Variants in CXADR observed in about 807,000 individuals in gnomAD.
The protein encoded by CXADR is coxsackievirus and adenovirus receptor.
In CXADR, 20 loss-of-function variants were observed where a neutral mutation model predicts 40.3. The ratio of observed to expected loss-of-function variants is 0.50; its 90% CI spans 0.35 to 0.72. CXADR has a LOEUF of 0.72. Among genes scored for constraint, CXADR ranks in the 30% least tolerant of loss-of-function variants. The pLI is 0.01. For missense variants in CXADR, 332 were observed against 449.1 expected (o/e 0.74, Z 2.36); for synonymous variants, 150 against 161.3 (o/e 0.93, Z 0.53).
intron 7 of CXADR, among the ~76,000 whole-genome samples, chr21:17,586,221 G>T (rs1009549719): frequency 6.6e-6 from 1 of 151,792 alleles, no homozygotes; most frequent in African/African-American, 2.4e-5. Context: ...CTTACTAAAT[G>T]ATTTACTTTA....
intron 7 of CXADR, among the ~76,000 whole-genome samples, chr21:17,583,154 A>G (rs931141076): frequency 3.3e-5 from 5 of 152,238 alleles, no homozygotes; most frequent in African/African-American, 1.2e-4. Flanking sequence ...TTAAACAATT[A>G]CATGAGAGGA....
intron 1 of CXADR, among the ~76,000 whole-genome samples, chr21:17,540,259 T>C (rs2060810383): frequency 6.6e-6 from 1 of 152,086 alleles, no homozygotes; most frequent in South Asian, 2.1e-4. Flanking sequence ...ACATAGGAGG[T>C]CAGGGATTCA....
rs2061210859 is a variant in CXADR at position 17,566,521 on chromosome 21, C to A, written c.*829C>A. ...TCTTCAAAATGGTGGCCAGCCAGAT[C>A]AAGGATGTAGTATCTCATAGTTCCC... On this transcript the variant is annotated 3_prime_UTR_variant, in exon 7 of 7. Transcript: ENST00000284878. 2 of 985,258 alleles carry A rather than the reference C, an allele frequency of 2.0e-6. No individual in the cohort carries two copies. The highest frequency in any genetic ancestry group is 2.4e-6 in the Non-Finnish European group (2 of 829,864). The allele number at this position is 985,258 out of a possible 1,614,324, so 61.0% of individuals were successfully genotyped here. A position where few individuals can be genotyped will look rare whatever the true frequency, so the allele number is the denominator to read the frequency against.
chr21:17,621,139 G>A, the CXADR span, among the ~76,000 whole-genome samples: 1 of 152,200 alleles, frequency 6.6e-6, no homozygotes, highest in Non-Finnish European at 1.5e-5. Context: ...CAATCTGGAT[G>A]TGGGCACCAT....
intron 1 of CXADR, among the ~76,000 whole-genome samples, chr21:17,525,542 A>C (rs887725423): frequency 1.3e-5 from 2 of 152,208 alleles, no homozygotes; most frequent in African/African-American, 4.8e-5. Flanking sequence ...TATTTTAAAC[A>C]CTTGAATACT....
At chr21:17,606,506 A>C in the CXADR span, among the ~76,000 whole-genome samples, 1 of 152,166 alleles carries the variant, frequency 6.6e-6, no homozygotes, top group African/African-American at 2.4e-5. Flanking sequence ...GAAAGATCCC[A>C]TGTGCTCTGG....
At chr21:17,618,577 G>A in the CXADR span, among the ~76,000 whole-genome samples, 1 of 151,216 alleles carries the variant, frequency 6.6e-6, no homozygotes, top group Non-Finnish European at 1.5e-5. Context: ...TTGCTCTGTC[G>A]CCCAGGCTGG....
At chr21:17,612,079 T>G in the CXADR span, 4 of 152,278 alleles carry the variant, frequency 2.6e-5, no homozygotes, top group Admixed American at 2.6e-4. Flanking sequence ...CGCTGGGGTT[T>G]TGAGAGAGGT....
intron 1 of CXADR, among the ~76,000 whole-genome samples, chr21:17,519,182 C>T (rs575746560): frequency 2.0e-5 from 3 of 152,328 alleles, no homozygotes; most frequent in African/African-American, 7.2e-5. Flanking sequence ...GTGGGGTCTC[C>T]ATCGATTACC....
At chr21:17,513,940 G>T (rs968740819) in intron 1 of CXADR, among the ~76,000 whole-genome samples, 6 of 152,154 alleles carry the variant, frequency 3.9e-5, no homozygotes, top group Admixed American at 6.5e-5. Flanking sequence ...GTTGTACAGG[G>T]TAATTGCTAG....
chr21:17,631,399 G>A, the CXADR span, among the ~76,000 whole-genome samples: 20 of 152,110 alleles, frequency 1.3e-4, no homozygotes, highest in Admixed American at 2.6e-4. Context: ...ACACTAGTTC[G>A]TTTTTAGCCA....
At chr21:17,535,123 G>C (rs908099930) in intron 1 of CXADR, among the ~76,000 whole-genome samples, 1 of 151,736 alleles carries the variant, frequency 6.6e-6, no homozygotes, top group Non-Finnish European at 1.5e-5. Context: ...ATCATTTTTT[G>C]ACTATTATTG....
intron 1 of CXADR, among the ~76,000 whole-genome samples, chr21:17,541,358 C>T (rs192412162): frequency 0.016 from 2,370 of 152,078 alleles, 74 homozygotes; most frequent in African/African-American, 0.053. Context: ...CAAGACCATC[C>T]TGGCTAACAC....
chr21:17,614,144 C>G, the CXADR span: 1 of 151,044 alleles, frequency 6.6e-6, no homozygotes, highest in South Asian at 2.1e-4. Flanking sequence ...AGTCTACTTA[C>G]TGGTACATTT....
intron 7 of CXADR, among the ~76,000 whole-genome samples, chr21:17,575,920 T>C (rs1395565037): frequency 3.3e-5 from 5 of 151,062 alleles, no homozygotes; most frequent in Non-Finnish European, 7.4e-5. Flanking sequence ...AAACCCTGTC[T>C]CTACTAAAAA....
intron 7 of CXADR, among the ~76,000 whole-genome samples, chr21:17,590,742 A>C (rs2061429144): frequency 6.6e-6 from 1 of 151,746 alleles, no homozygotes; most frequent in Admixed American, 6.6e-5. Flanking sequence ...AGTAACTGAT[A>C]AGTAAGAAAA....
the CXADR span, among the ~76,000 whole-genome samples, chr21:17,617,959 C>T: frequency 1.3e-5 from 2 of 152,236 alleles, no homozygotes; most frequent in Non-Finnish European, 2.9e-5. Flanking sequence ...TCAAACCCTG[C>T]TGCTGCTTTA....
At position 17,559,026 on chromosome 21, in the gene CXADR, A is replaced by G; in HGVS notation, c.466A>G (p.Ser156Gly). The G allele has an allele frequency of 1.2e-6, 2 of 1,613,996 alleles. No individual in the cohort carries two copies. Among genetic ancestry groups the G allele is most frequent in the South Asian group, 2.2e-5 (2 of 90,998 alleles). Residue 156 changes from serine (S) to glycine (G), a missense_variant, in exon 4 of 7, where the codon AGT becomes GGT. Coordinates refer to ENST00000284878, the MANE Select transcript of CXADR (RefSeq NM_001338.5). ...CGTTGATGGATCTGAAGAAATTGGA[A>G]GTGACTTTAAGATAAAATGTGAACC... ...CYVDGSEEIGSDFKIKCEPKE... is the reference protein window; with the variant it reads ...CYVDGSEEIGGDFKIKCEPKE...
the CXADR span, chr21:17,598,780 T>C: frequency 6.2e-7 from 1 of 1,614,170 alleles, no homozygotes; most frequent in South Asian, 1.1e-5. Flanking sequence ...CTCATCTTTA[T>C]TTTCAAAGCT....
Sources: allele counts gnomAD v4.1 joint callset (sites outside exome capture counted in the v4.1 genomes callset), GRCh38; gene constraint gnomAD v4.1.1; transcripts MANE v1.5; gene names NCBI Gene and HGNC (gene_info 2026-07-23, HGNC 2026-07-21).